Variants in DNAJC21 observed in about 807,000 individuals in gnomAD.
DNAJC21 encodes DnaJ heat shock protein family (Hsp40) member C21, also known as dnaJ homolog subfamily C member 21.
A neutral mutation model predicts 72.4 loss-of-function variants in DNAJC21; 63 were observed. That is an observed-to-expected ratio of 0.87 (90% CI 0.71 to 1.07). DNAJC21 has a LOEUF of 1.07. DNAJC21 is among the 50% of genes least tolerant of loss of function. The probability of loss-of-function intolerance (pLI) is 0.00; values close to 1 mark genes in which losing one functional copy is unlikely to be tolerated. For synonymous variants in DNAJC21, 203 were observed against 216.7 expected (o/e 0.94, Z 0.56); for missense variants, 634 against 644.8 (o/e 0.98, Z 0.18).
At position 34,937,257 on chromosome 5, in the gene DNAJC21, G is replaced by A. The variant is rs557779425; in HGVS notation, c.439-69G>A. The A allele has an allele frequency of 2.2e-5, 33 of 1,476,570 alleles. No homozygotes were observed. In the South Asian group the frequency reaches 3.9e-4, roughly 18 times the overall value. 91.5% of individuals were successfully genotyped at this position (1,476,570 alleles called of 1,614,324 possible). A position where few individuals can be genotyped will look rare whatever the true frequency, so the allele number is the denominator to read the frequency against. On this transcript the variant is annotated intron_variant, in intron 4 of 11. Coordinates refer to ENST00000648817, the MANE Select transcript of DNAJC21 (RefSeq NM_001012339.3). Reference sequence around the variant, plus strand: ...GAAAGGTAAAAGATGTTTCGCATCAGTAATATTTACTGCTTTTCTAAAAAA... The same window carrying A: ...GAAAGGTAAAAGATGTTTCGCATCAATAATATTTACTGCTTTTCTAAAAAA...
At chr5:34,948,638 G>A (rs909208256) in intron 9 of DNAJC21, among the ~76,000 whole-genome samples, 3 of 152,200 alleles carry the variant, frequency 2.0e-5, no homozygotes, top group African/African-American at 4.8e-5. Context: ...AGGCCAAGGC[G>A]GGTGGATCAC....
At chr5:34,943,765 G>A (rs1477340333) in intron 7 of DNAJC21, among the ~76,000 whole-genome samples, 1 of 152,168 alleles carries the variant, frequency 6.6e-6, no homozygotes, top group African/African-American at 2.4e-5. Flanking sequence ...GCCTTCTGCT[G>A]TAAACAGGAG....
Position 34,929,772 on chromosome 5 carries a change from C to T in DNAJC21, c.-48C>T. 9.2e-7 allele frequency: 1 copy of T among 1,090,648 alleles called. No individual in the cohort carries two copies. Among genetic ancestry groups the T allele is most frequent in the Non-Finnish European group, 1.1e-6 (1 of 875,192 alleles). The allele number at this position is 1,090,648 out of a possible 1,614,324, so 67.6% of individuals were successfully genotyped here. A position where few individuals can be genotyped will look rare whatever the true frequency, so the allele number is the denominator to read the frequency against. Reference sequence around the variant, plus strand: ...CCGCCGCTTCGGCCCGGGCCCGGGCCCCGACCCCGTCCCGGGCCCCAGCGC... The same window carrying T: ...CCGCCGCTTCGGCCCGGGCCCGGGCTCCGACCCCGTCCCGGGCCCCAGCGC... On this transcript the variant is annotated 5_prime_UTR_variant, in exon 1 of 12. Coordinates refer to ENST00000648817, the MANE Select transcript of DNAJC21 (RefSeq NM_001012339.3).
At chr5:34,947,805 A>G (rs1454381216) in intron 9 of DNAJC21, among the ~76,000 whole-genome samples, 2 of 151,972 alleles carry the variant, frequency 1.3e-5, no homozygotes, top group African/African-American at 4.8e-5. Context: ...TGTCAGTACC[A>G]CATTGTTTTT....
rs1354605344 is a variant in DNAJC21 at position 34,929,806 on chromosome 5, C to T, written c.-14C>T. ...GTCCCGGGCCCCAGCGCCGGCCGCC[C>T]GCCCGGTCGGGCGATGAAGTGTCAC... On this transcript the variant is annotated 5_prime_UTR_variant, in exon 1 of 12. Coordinates refer to ENST00000648817, the MANE Select transcript of DNAJC21 (RefSeq NM_001012339.3). The T allele has an allele frequency of 6.4e-6, 9 of 1,415,872 alleles. No homozygotes were observed. In the East Asian group the frequency reaches 1.5e-4, roughly 24 times the overall value. 87.7% of individuals were successfully genotyped at this position (1,415,872 alleles called of 1,614,324 possible).
rs766034895 is a variant in DNAJC21 at position 34,941,155 on chromosome 5, T to C, written c.955T>C (p.Cys319Arg). The C allele has an allele frequency of 1.9e-6, 3 of 1,614,126 alleles. No individual in the cohort carries two copies. Among genetic ancestry groups the C allele is most frequent in the Non-Finnish European group, 2.5e-6 (3 of 1,180,008 alleles). The change falls in exon 7 of 12, where the codon TGT (cysteine) becomes CGT (arginine). Residue 319 changes from cysteine (C) to arginine (R), a missense_variant. By Grantham distance (180) the Cys-to-Arg change is radical. Transcript: ENST00000648817. ...CTATGATGACCTTTACTGCCCAGCATGTGACAAATCGTTCAAGACAGAAAA... is the reference window on the plus strand; with the variant it reads ...CTATGATGACCTTTACTGCCCAGCACGTGACAAATCGTTCAAGACAGAAAA... ...ELYDDLYCPACDKSFKTEKAM... is the reference protein window; with the variant it reads ...ELYDDLYCPARDKSFKTEKAM...
At chr5:34,953,181 A>T (rs983386635) in intron 10 of DNAJC21, among the ~76,000 whole-genome samples, 2 of 152,016 alleles carry the variant, frequency 1.3e-5, no homozygotes, top group Non-Finnish European at 2.9e-5. Flanking sequence ...GGGGAACCAC[A>T]CTTCATGTCA....
chr5:34,944,971 A>T lies in DNAJC21; in HGVS notation c.1088A>T (p.Glu363Val). The T allele has an allele frequency of 6.2e-7, 1 of 1,614,184 alleles. No homozygotes were observed. Among genetic ancestry groups the T allele is most frequent in the Non-Finnish European group, 8.5e-7 (1 of 1,180,022 alleles). The stretch of plus-strand genomic sequence containing the variant: ...AATTTTTCAAGACCTCAAATTGATG[A>T]AAATCCATTAGATGACAATTCTGAG... ...EENFSRPQID[E>V]NPLDDNSEEE... is the part of the protein sequence containing the mutation. Residue 363 changes from glutamate to valine, a missense_variant, in exon 8 of 12, where the codon GAA becomes GTA. By Grantham distance (121) the Glu-to-Val change is moderately radical (BLOSUM62 -2). Transcript: ENST00000648817.
rs774912688 is a variant in DNAJC21 at position 34,935,843 on chromosome 5, A to G, written c.315+10A>G. The G allele has an allele frequency of 5.6e-6, 9 of 1,613,682 alleles. No homozygotes were observed. The highest frequency in any genetic ancestry group is 1.6e-4 in the Middle Eastern group (1 of 6,068). On this transcript the variant is annotated intron_variant, in intron 3 of 11. Coordinates refer to ENST00000648817, the MANE Select transcript of DNAJC21 (RefSeq NM_001012339.3). ...TGGAGATGATGAAAAGGTAAGATAA[A>G]TGAACTCACCCTTGATTTCTCATCA...
intron 11 of DNAJC21, 165 bp downstream of exon 11, chr5:34,954,166 T>G: frequency 1.7e-6 from 1 of 583,740 alleles, no homozygotes; most frequent in Non-Finnish European, 2.8e-6. Context: ...TTTTTTTCAT[T>G]AAAATAAAAA....
At chr5:34,946,682 T>G (rs1282662454) in intron 9 of DNAJC21, among the ~76,000 whole-genome samples, 1 of 152,160 alleles carries the variant, frequency 6.6e-6, no homozygotes, top group Non-Finnish European at 1.5e-5. Context: ...TTTTATAAAT[T>G]GACATCTACC....
chr5:34,930,178 CA>C (rs1310757102), intron 1 of DNAJC21: 2 of 270,812 alleles, frequency 7.4e-6, no homozygotes, highest in Non-Finnish European at 1.4e-5. Flanking sequence ...GGGAAAACTG[CA>C]GTCCAACAAC....
At chr5:34,943,829 A>C (rs975845312) in intron 7 of DNAJC21, among the ~76,000 whole-genome samples, 1 of 152,010 alleles carries the variant, frequency 6.6e-6, no homozygotes, top group African/African-American at 2.4e-5. Flanking sequence ...TCTTTTTTTC[A>C]GTGTTTTATA....
intron 7 of DNAJC21, among the ~76,000 whole-genome samples, chr5:34,942,666 CTT>C (rs1580532787): frequency 1.3e-5 from 2 of 152,242 alleles, no homozygotes; most frequent in East Asian, 1.9e-4. Context: ...TGCATGTCCT[CTT>C]TCTCTCTACA....
chr5:34,943,082 AAAGT>A (rs1190224885), intron 7 of DNAJC21, among the ~76,000 whole-genome samples: 2 of 152,214 alleles, frequency 1.3e-5, no homozygotes, highest in East Asian at 3.8e-4. Context: ...ATAAAAAAAA[AAAGT>A]AAGGTTATTC....
rs1362830842 is a variant in DNAJC21, at chr5:34,945,773, A to AG, written c.1155_1156insG (p.Gln386AlafsTer13). 1 of 1,597,514 alleles carries AG rather than the reference A, an allele frequency of 6.3e-7. No individual in the cohort carries two copies. Among genetic ancestry groups the AG allele is most frequent in the Non-Finnish European group, 8.5e-7 (1 of 1,174,184 alleles). On this transcript the variant is annotated frameshift_variant, in exon 9 of 12. Coordinates refer to ENST00000648817, the MANE Select transcript of DNAJC21 (RefSeq NM_001012339.3). LOFTEE classifies it high-confidence loss of function. ...TATTTGCTCTTAGGCTTTCTAAAAA[A>AG]CAGAAGAAAAAGAAACAGAAACCAG... is the stretch of plus-strand genomic sequence containing the variant.
chr5:34,952,968 G>C (rs184560438), intron 10 of DNAJC21, among the ~76,000 whole-genome samples: 1 of 151,972 alleles, frequency 6.6e-6, no homozygotes, highest in African/African-American at 2.4e-5. Context: ...GGCCAATATG[G>C]TAAAACCCTG....
In DNAJC21 at chr5:34,954,662, T is replaced by C. The variant is rs1765482023; in HGVS notation, c.1544T>C (p.Leu515Ser). ...GHARAPSSSSLNSATSSQSKK... is the reference protein window; with the variant it reads ...GHARAPSSSSSNSATSSQSKK... ...GCAAGAGCACCTTCATCATCGTCTT[T>C]AAACAGCGCAACAAGTAGTCAAAGC... The change falls in exon 12 of 12, where the codon TTA becomes TCA. Residue 515 changes from leucine to serine, a missense_variant. Coordinates refer to ENST00000648817, the MANE Select transcript of DNAJC21 (RefSeq NM_001012339.3). 5.0e-6 allele frequency: 8 copies of C among 1,613,108 alleles called. No individual in the cohort carries two copies. In the South Asian group the frequency reaches 7.7e-5, roughly 16 times the overall value.
chr5:34,952,238 T>C, intron 10 of DNAJC21: 1 of 984,836 alleles, frequency 1.0e-6, no homozygotes, highest in Non-Finnish European at 1.2e-6. Context: ...GCCAGGAATA[T>C]TATCCTAAAT....
Sources: gnomAD v4.1 joint callset for allele counts (sites outside exome capture counted in the v4.1 genomes callset) on GRCh38, gnomAD v4.1.1 for gene constraint, MANE v1.5 for transcripts, NCBI Gene and HGNC (gene_info 2026-07-23, HGNC 2026-07-21) for gene names.